PTPRN2: variants seen among roughly 807,000 people sequenced by gnomAD.
PTPRN2 encodes protein tyrosine phosphatase receptor type N2, also known as receptor-type tyrosine-protein phosphatase N2.
PTPRN2 carries 74 observed loss-of-function variants against 118.8 expected under a neutral mutation model. The observed-to-expected ratio is 0.62, with a 90% confidence interval of 0.52 to 0.76. The LOEUF is 0.76. Ranked by LOEUF, PTPRN2 falls within the 30% of genes least tolerant of loss-of-function variation. PTPRN2 has a pLI of 0.00. For synonymous variants in PTPRN2, 641 were observed against 608.0 expected (o/e 1.05, Z -0.80); for missense variants, 1,481 against 1,394.4 (o/e 1.06, Z -0.99).
intron 11 of PTPRN2, among the ~76,000 whole-genome samples, chr7:157,956,589 T>C (rs2068222): frequency 0.83 from 125,925 of 152,256 alleles, 52,661 homozygotes; most frequent in East Asian, 0.89. Context: ...CTGCACACAG[T>C]GAACAAAAGC....
chr7:157,581,754 G>T (rs574688881), intron 17 of PTPRN2, among the ~76,000 whole-genome samples: 1 of 152,318 alleles, frequency 6.6e-6, no homozygotes, highest in East Asian at 1.9e-4. Context: ...TTATATTGAC[G>T]TCCTAATCCC....
chr7:158,522,200 G>A (rs1462908553), intron 1 of PTPRN2, among the ~76,000 whole-genome samples: 5 of 79,674 alleles, frequency 6.3e-5, no homozygotes, highest in Non-Finnish European at 9.7e-5. Context: ...GGAGGTCCAC[G>A]TCACAATGGT....
intron 12 of PTPRN2, among the ~76,000 whole-genome samples, chr7:157,867,510 A>C (rs1457752438): frequency 8.7e-6 from 1 of 115,096 alleles, no homozygotes; most frequent in Non-Finnish European, 1.7e-5. Flanking sequence ...GGCCACCTGG[A>C]TACACGGCCA....
At chr7:158,078,423 C>T (rs1458493031) in intron 11 of PTPRN2, among the ~76,000 whole-genome samples, 3 of 152,266 alleles carry the variant, frequency 2.0e-5, no homozygotes, top group African/African-American at 7.2e-5. Context: ...GGCACCACCA[C>T]ACGTCCTTCC....
At chr7:157,825,802 C>T (rs1028165913) in intron 12 of PTPRN2, among the ~76,000 whole-genome samples, 18 of 152,342 alleles carry the variant, frequency 1.2e-4, no homozygotes, top group Middle Eastern at 3.4e-3. Flanking sequence ...ATTCAGCTTC[C>T]ACCACTCAGC....
chr7:157,583,170 C>A lies in PTPRN2; in HGVS notation c.2497-5030G>T, dbSNP rs1800486265. Among the ~76,000 whole-genome samples, 1 of 152,072 alleles carries A rather than the reference C, an allele frequency of 6.6e-6. No individual in the cohort carries two copies. Among genetic ancestry groups the A allele is most frequent in the East Asian group, 1.9e-4 (1 of 5,200 alleles). On this transcript the variant is annotated intron_variant, in intron 17 of 22. Coordinates refer to ENST00000389418, the MANE Select transcript of PTPRN2 (RefSeq NM_002847.5). This position sits in a 1 kb window ranked among gnomAD's most constrained non-coding sequence, Gnocchi z 5.5. The stretch of plus-strand genomic sequence containing the variant: ...AAGAATGAACTCCTGTCATTTTTGA[C>A]AACATGGATGAACCTGGAGGACACG...
intron 1 of PTPRN2, among the ~76,000 whole-genome samples, chr7:158,576,014 A>G (rs976422641): frequency 3.3e-5 from 5 of 152,178 alleles, no homozygotes; most frequent in South Asian, 2.1e-4. Context: ...AGCTCACAGC[A>G]ATGAAAAACT....
Position 157,603,081 on chromosome 7 carries a change from C to G in PTPRN2, c.2418+921G>C, listed in dbSNP as rs1188907538. On this transcript the variant is annotated intron_variant, in intron 16 of 22. Transcript: ENST00000389418. The surrounding 1 kb of genome is among the most constrained non-coding windows in gnomAD (Gnocchi z 5.4). ...TCTGCATGGAGCCCCAGCCTCTCCA[C>G]CACTGGTTTAAAGTGCCATCCGCCA... Among the ~76,000 whole-genome samples the G allele has an allele frequency of 2.0e-5, 3 of 152,222 alleles. No individual in the cohort carries two copies. Among genetic ancestry groups the G allele is most frequent in the African/African-American group, 7.2e-5 (3 of 41,460 alleles).
chr7:158,050,755 C>T (rs1809264365), intron 11 of PTPRN2, among the ~76,000 whole-genome samples: 1 of 152,264 alleles, frequency 6.6e-6, no homozygotes, highest in African/African-American at 2.4e-5. Context: ...TCTTCCATGC[C>T]AGTCTCCATC....
intron 11 of PTPRN2, among the ~76,000 whole-genome samples, chr7:157,958,906 A>C (rs1311792209): frequency 1.3e-5 from 2 of 152,230 alleles, no homozygotes; most frequent in Non-Finnish European, 2.9e-5. Flanking sequence ...CCATCCAAAA[A>C]TTTATATGGA....
chr7:157,843,271 A>G (rs999382829), intron 12 of PTPRN2, among the ~76,000 whole-genome samples: 1 of 152,256 alleles, frequency 6.6e-6, no homozygotes, highest in African/African-American at 2.4e-5. Context: ...CTAATTGGTA[A>G]TCAGAAATCA....
intron 1 of PTPRN2, among the ~76,000 whole-genome samples, chr7:158,587,023 GA>G (rs1169665548): frequency 6.6e-6 from 1 of 152,048 alleles, no homozygotes; most frequent in Non-Finnish European, 1.5e-5. Context: ...AGAGGCGCGC[GA>G]CCCGTGGCCG....
intron 11 of PTPRN2, among the ~76,000 whole-genome samples, chr7:158,016,611 C>T (rs934343020): frequency 1.3e-5 from 2 of 152,196 alleles, no homozygotes; most frequent in African/African-American, 4.8e-5. Flanking sequence ...TATTTTTCCC[C>T]GAGTCTCCTT....
intron 4 of PTPRN2, among the ~76,000 whole-genome samples, chr7:158,195,049 C>T (rs977415275): frequency 5.9e-5 from 9 of 152,176 alleles, no homozygotes; most frequent in African/African-American, 1.9e-4. Flanking sequence ...GTTGCCTTCG[C>T]GTGTTCTCTC....
chr7:158,262,403 C>A (rs182983120), intron 3 of PTPRN2, among the ~76,000 whole-genome samples: 60 of 148,270 alleles, frequency 4.0e-4, no homozygotes, highest in African/African-American at 1.4e-3. Flanking sequence ...ACACTGCACA[C>A]ACACATACAT....
rs909110711 is a variant in PTPRN2 at position 158,574,268 on chromosome 7, T to G, written c.112+13290A>C. Among the ~76,000 whole-genome samples, 7 of 152,176 alleles carry G rather than the reference T, an allele frequency of 4.6e-5. No individual in the cohort carries two copies. The highest frequency in any genetic ancestry group is 8.8e-5 in the Non-Finnish European group (6 of 68,040). ...GTATCTAAAATGTTATTAATCACAT[T>G]AATAAAAATTTTAGTGAATACAAAG... On this transcript the variant is annotated intron_variant, in intron 1 of 22. Transcript: ENST00000389418. The surrounding 1 kb of genome is among the most constrained non-coding windows in gnomAD (Gnocchi z 4.6).
chr7:158,198,270 T>C (rs1000462303), intron 4 of PTPRN2, among the ~76,000 whole-genome samples: 1 of 152,240 alleles, frequency 6.6e-6, no homozygotes, highest in Non-Finnish European at 1.5e-5. Flanking sequence ...TTTATCATTA[T>C]GCCGCGTGGT....
At chr7:157,967,254 G>T (rs1489651233) in intron 11 of PTPRN2, among the ~76,000 whole-genome samples, 1 of 152,222 alleles carries the variant, frequency 6.6e-6, no homozygotes, top group African/African-American at 2.4e-5. Context: ...AGGCTGCAGT[G>T]CACTGTGATT....
intron 2 of PTPRN2, among the ~76,000 whole-genome samples, chr7:158,328,037 G>GA (rs1253476318): frequency 6.6e-6 from 1 of 152,144 alleles, no homozygotes; most frequent in African/African-American, 2.4e-5. Flanking sequence ...TCTCCAGAGG[G>GA]AGAAAAAGCC....
Sources: gnomAD v4.1 joint callset for allele counts (sites outside exome capture counted in the v4.1 genomes callset) on GRCh38, gnomAD v4.1.1 for gene constraint, Gnocchi (gnomAD v3.1) non-coding constraint, MANE v1.5 for transcripts, NCBI Gene and HGNC (gene_info 2026-07-23, HGNC 2026-07-21) for gene names.